COL24A1: variants seen among roughly 807,000 people sequenced by gnomAD.
COL24A1 encodes the protein collagen alpha-1(XXIV) chain.
Under a neutral mutation model 253.9 loss-of-function variants are expected in COL24A1, and 224 were observed. The observed-to-expected ratio is 0.88, with a 90% CI of 0.79 to 0.99. The LOEUF is 0.99. COL24A1 is among the 50% of genes least tolerant of loss of function. The pLI, the probability that COL24A1 is intolerant of heterozygous loss-of-function variation, is 0.00. For missense variants in COL24A1, 2,131 were observed against 2,068.5 expected (o/e 1.03, Z -0.59); for synonymous variants, 685 against 673.7 (o/e 1.02, Z -0.26).
chr1:85,860,023 T>G (rs761635233), intron 37 of COL24A1, among the ~76,000 whole-genome samples: 2 of 151,864 alleles, frequency 1.3e-5, no homozygotes, highest in African/African-American at 2.4e-5. Context: ...ATAGTCAGCT[T>G]GGTGTTGCTT....
intron 13 of COL24A1, 53 bp from the exon 14 acceptor site, chr1:86,031,975 G>C: frequency 7.1e-7 from 1 of 1,416,494 alleles, no homozygotes; most frequent in Non-Finnish European, 9.8e-7. Flanking sequence ...CAACTACTAA[G>C]GGTATTTCTG....
chr1:85,841,155 GT>G (rs1479385764), intron 42 of COL24A1, 66 bp downstream of exon 42: 3 of 1,089,206 alleles, frequency 2.8e-6, no homozygotes, highest in Admixed American at 2.4e-5. Context: ...TTTAATTGGT[GT>G]TGTGAATCTA....
intron 14 of COL24A1, chr1:86,029,991 GA>G (rs1198733233): frequency 2.6e-5 from 4 of 151,856 alleles, no homozygotes; most frequent in African/African-American, 9.7e-5. Context: ...GTAAGTTTCC[GA>G]AAATAGTATA....
intron 43 of COL24A1, among the ~76,000 whole-genome samples, chr1:85,829,608 G>C (rs1274748803): frequency 6.6e-6 from 1 of 151,936 alleles, no homozygotes; most frequent in African/African-American, 2.4e-5. Context: ...ATTTCTTGGA[G>C]GCTTTGCTCA....
chr1:86,113,636 C>G (rs2102170230), intron 4 of COL24A1, among the ~76,000 whole-genome samples: 2 of 151,830 alleles, frequency 1.3e-5, no homozygotes, highest in East Asian at 3.9e-4. Flanking sequence ...GAGTTTGAGA[C>G]CAGCCAGGGC....
chr1:85,814,889 C>T (rs185087029), intron 47 of COL24A1, among the ~76,000 whole-genome samples: 79 of 152,196 alleles, frequency 5.2e-4, no homozygotes, highest in African/African-American at 1.9e-3. Flanking sequence ...TTTCTATTAT[C>T]CACATAGGGA....
intron 12 of COL24A1, 71 bp downstream of exon 12, chr1:86,046,754 T>A (rs1367897790): frequency 7.7e-6 from 12 of 1,553,054 alleles, no homozygotes; most frequent in Non-Finnish European, 1.1e-5. Context: ...TCTTCACATT[T>A]TAATAAGTAA....
intron 53 of COL24A1, among the ~76,000 whole-genome samples, chr1:85,769,365 A>G (rs1344202986): frequency 6.6e-6 from 1 of 152,106 alleles, no homozygotes; most frequent in East Asian, 1.9e-4. Context: ...AAGGCGTCTC[A>G]GGAAGGTGGG....
rs1333228591 is a variant in COL24A1, at chr1:85,730,366, T to G, written c.*180A>C. The G allele has an allele frequency of 7.4e-6, 4 of 541,800 alleles. No homozygotes were observed. 33.6% of individuals were successfully genotyped at this position (541,800 alleles called of 1,614,324 possible). On this transcript the variant is annotated 3_prime_UTR_variant, in exon 60 of 60. Transcript: ENST00000370571. The stretch of plus-strand genomic sequence containing the variant: ...AAAGAATTAAATACTTTATCAATCA[T>G]AGTCCTTTAAAAATGCCTTTTCTCC...
intron 47 of COL24A1, among the ~76,000 whole-genome samples, chr1:85,788,515 G>T (rs1431311981): frequency 6.6e-6 from 1 of 152,184 alleles, no homozygotes; most frequent in Non-Finnish European, 1.5e-5. Flanking sequence ...TCTGTGGGTT[G>T]TCTGTTTGCT....
At chr1:86,108,494 ACT>A (rs1367076894) in intron 5 of COL24A1, among the ~76,000 whole-genome samples, 1 of 150,370 alleles carries the variant, frequency 6.7e-6, no homozygotes, top group Non-Finnish European at 1.5e-5. Context: ...TTAAGAAAGG[ACT>A]CTCGGGCTGG....
intron 10 of COL24A1, among the ~76,000 whole-genome samples, chr1:86,052,406 A>G (rs779142649): frequency 7.9e-5 from 12 of 152,150 alleles, no homozygotes; most frequent in Non-Finnish European, 1.3e-4. Flanking sequence ...CAGCCTTAAA[A>G]AAGAAGGATG....
At chr1:86,064,623 CAT>C (rs1197517812) in intron 7 of COL24A1, among the ~76,000 whole-genome samples, 1 of 152,100 alleles carries the variant, frequency 6.6e-6, no homozygotes, top group African/African-American at 2.4e-5. Context: ...TGAAATAAAT[CAT>C]AGTTTATGAA....
rs577862157 is a variant in COL24A1 at position 86,043,712 on chromosome 1, G to A, written c.1950+3113C>T. On this transcript the variant is annotated intron_variant, in intron 12 of 59. Transcript: ENST00000370571. Reference sequence around the variant, plus strand: ...CCAGCTAATTTTTGTATTTTTAGTAGAGACAGGGTTTCACCATGTTGGCCA... The same window carrying A: ...CCAGCTAATTTTTGTATTTTTAGTAAAGACAGGGTTTCACCATGTTGGCCA... Among the ~76,000 whole-genome samples the A allele has an allele frequency of 1.3e-4, 20 of 152,176 alleles. No homozygotes were observed. The East Asian group carries it at 3.9e-3, about 29-fold the overall frequency.
chr1:85,810,819 C>G (rs906780151), intron 47 of COL24A1, among the ~76,000 whole-genome samples: 1 of 152,158 alleles, frequency 6.6e-6, no homozygotes, highest in African/African-American at 2.4e-5. Flanking sequence ...TCCTGTAAAG[C>G]CTGAAGAACT....
chr1:86,034,622 T>C lies in COL24A1; in HGVS notation c.1951-699A>G, dbSNP rs540843240. On this transcript the variant is annotated intron_variant, in intron 12 of 59. Transcript: ENST00000370571. ...ACAAAAAGTCCTTTAAGTACAGTTT[T>C]ATTAAGGAAACGAATAATACACATA... is the stretch of plus-strand genomic sequence containing the variant. 2.2e-3 allele frequency among the ~76,000 whole-genome samples: 333 copies of C among 152,274 alleles called. 1 individual carries two copies. The highest frequency in any genetic ancestry group is 6.2e-3 in the Admixed American group (95 of 15,278).
intron 37 of COL24A1, among the ~76,000 whole-genome samples, chr1:85,851,810 T>C (rs1380690400): frequency 6.6e-6 from 1 of 152,232 alleles, no homozygotes; most frequent in African/African-American, 2.4e-5. Flanking sequence ...TACATACTTA[T>C]ATTTTGTTCA....
At position 85,945,002 on chromosome 1, in the gene COL24A1, G is replaced by GTTTTTTTTT. The variant is rs1165341082; in HGVS notation, c.2562+16238_2562+16246dup. 1.2e-3 allele frequency among the ~76,000 whole-genome samples: 41 copies of GTTTTTTTTT among 35,362 alleles called. 3 individuals are homozygous for GTTTTTTTTT. The highest frequency in any genetic ancestry group is 2.2e-3 in the African/African-American group (18 of 8,236). The allele number at this position is 35,362 out of a possible 152,430, so 23.2% of individuals were successfully genotyped here. The stretch of plus-strand genomic sequence containing the variant: ...TTTTCTTAATCCAGTCTATCATTGT[G>GTTTTTTTTT]TTTTTTTTTTTTTTTTTTTTTTTTT... On this transcript the variant is annotated intron_variant, in intron 24 of 59. Transcript: ENST00000370571.
intron 53 of COL24A1, among the ~76,000 whole-genome samples, chr1:85,769,119 G>A (rs1438149685): frequency 6.6e-6 from 1 of 151,998 alleles, no homozygotes; most frequent in Non-Finnish European, 1.5e-5. Context: ...CAACTATTAT[G>A]TTCCAACACC....
Sources: allele counts gnomAD v4.1 joint callset (sites outside exome capture counted in the v4.1 genomes callset), GRCh38; gene constraint gnomAD v4.1.1; transcripts MANE v1.5; gene names NCBI Gene and HGNC (gene_info 2026-07-23, HGNC 2026-07-21).